The following ZNF248 variants were observed in gnomAD, a reference collection of about 807,000 sequenced individuals.
ZNF248 encodes KRAB protein domain.
Under a neutral mutation model 44.3 loss-of-function variants are expected in ZNF248, and 20 were observed. That is an observed-to-expected ratio of 0.45 (90% confidence interval 0.32 to 0.66). The LOEUF (loss-of-function observed/expected upper bound fraction) is 0.66, where lower values mean the gene tolerates loss of function less well. Ranked by LOEUF, ZNF248 falls within the 30% of genes least tolerant of loss-of-function variation. The probability of loss-of-function intolerance (pLI) is 0.04; values close to 1 mark genes in which losing one functional copy is unlikely to be tolerated. For missense variants in ZNF248, 654 were observed against 677.0 expected (o/e 0.97, Z 0.38); for synonymous variants, 224 against 229.0 (o/e 0.98, Z 0.20).
At chr10:37,798,688 T>C (rs1229875677) in intron 6 of ZNF248, among the ~76,000 whole-genome samples, 1 of 152,076 alleles carries the variant, frequency 6.6e-6, no homozygotes, top group African/African-American at 2.4e-5. Context: ...TACACATATA[T>C]ACATGCAGGT....
At chr10:37,761,273 C>A in the ZNF248 span, among the ~76,000 whole-genome samples, 94 of 152,264 alleles carry the variant, frequency 6.2e-4, no homozygotes, top group African/African-American at 2.2e-3. Flanking sequence ...TATCTGCCAT[C>A]CCTTAGGTCA....
At chr10:37,843,500 T>C (rs1414431302) in intron 3 of ZNF248, among the ~76,000 whole-genome samples, 1 of 151,176 alleles carries the variant, frequency 6.6e-6, no homozygotes, top group African/African-American at 2.4e-5. Context: ...CGACTTACCA[T>C]ATTAAAATAT....
intron 6 of ZNF248, among the ~76,000 whole-genome samples, chr10:37,806,968 C>G (rs973423234): frequency 7.0e-6 from 1 of 143,802 alleles, no homozygotes; most frequent in Admixed American, 7.4e-5. Context: ...CATGTCAATA[C>G]CCAGTTTTCC....
intron 3 of ZNF248, among the ~76,000 whole-genome samples, chr10:37,847,731 C>T (rs902271582): frequency 1.3e-5 from 2 of 149,812 alleles, no homozygotes; most frequent in African/African-American, 4.9e-5. Flanking sequence ...GATATGTTTA[C>T]AAAAAAAAAT....
chr10:37,812,080 T>C (rs1165947715), intron 6 of ZNF248, among the ~76,000 whole-genome samples: 1 of 151,594 alleles, frequency 6.6e-6, no homozygotes, highest in East Asian at 1.9e-4. Context: ...TACTAAAAAA[T>C]ACAAAAATTA....
chr10:37,787,157 T>C (rs996263098), intron 6 of ZNF248, among the ~76,000 whole-genome samples: 5 of 152,076 alleles, frequency 3.3e-5, no homozygotes, highest in Non-Finnish European at 7.4e-5. Context: ...TACACGCCTG[T>C]AGTCCCAGCT....
intron 3 of ZNF248, among the ~76,000 whole-genome samples, chr10:37,839,321 T>C (rs2057864957): frequency 6.6e-6 from 1 of 152,144 alleles, no homozygotes; most frequent in Admixed American, 6.5e-5. Flanking sequence ...ATCCTTTCAC[T>C]ACAATAAATC....
chr10:37,839,604 G>C (rs1403540402), intron 3 of ZNF248, among the ~76,000 whole-genome samples: 1 of 151,736 alleles, frequency 6.6e-6, no homozygotes, highest in Non-Finnish European at 1.5e-5. Context: ...TATTGGATGG[G>C]TTCAAAATCA....
At chr10:37,838,458 A>C (rs1052940894) in intron 3 of ZNF248, among the ~76,000 whole-genome samples, 1 of 152,226 alleles carries the variant, frequency 6.6e-6, no homozygotes, top group African/African-American at 2.4e-5. Flanking sequence ...AGGAAATATT[A>C]GTTGTTTCAT....
chr10:37,797,782 T>C (rs1359265076), intron 6 of ZNF248, among the ~76,000 whole-genome samples: 1 of 152,080 alleles, frequency 6.6e-6, no homozygotes, highest in Non-Finnish European at 1.5e-5. Flanking sequence ...CTAGAAAAGC[T>C]GTAATAAAAA....
At chr10:37,810,122 T>TA (rs2051258030) in intron 6 of ZNF248, among the ~76,000 whole-genome samples, 1 of 152,222 alleles carries the variant, frequency 6.6e-6, no homozygotes, top group Non-Finnish European at 1.5e-5. Context: ...CAAAGCCAGT[T>TA]AGGCCCTAAA....
intron 6 of ZNF248, chr10:37,820,237 T>C (rs991925009): frequency 3.9e-5 from 52 of 1,338,680 alleles, no homozygotes; most frequent in Non-Finnish European, 4.9e-5. Flanking sequence ...CTGTGCCAGA[T>C]GGAGATCTGT....
the ZNF248 span, among the ~76,000 whole-genome samples, chr10:37,770,150 C>T: frequency 1.3e-5 from 2 of 152,254 alleles, no homozygotes; most frequent in South Asian, 4.1e-4. Flanking sequence ...AGGAACATTC[C>T]ATGCTCATGG....
At chr10:37,766,457 C>T in the ZNF248 span, among the ~76,000 whole-genome samples, 31 of 152,246 alleles carry the variant, frequency 2.0e-4, no homozygotes, top group South Asian at 6.2e-4. Context: ...CACCAAGATC[C>T]GCTGTTCTAC....
At chr10:37,826,009 C>G (rs755496460), downstream of ZNF248, among the ~76,000 whole-genome samples, 8 of 151,888 alleles carry the variant, frequency 5.3e-5, no homozygotes, top group Admixed American at 1.3e-4. Context: ...ATATGGGAAG[C>G]TACCTAAAAG....
At position 37,828,801 on chromosome 10, in the gene ZNF248, GCTGCTTAC is replaced by G. The variant is rs1226996580; in HGVS notation, c.*2806_*2813del. 2.0e-6 allele frequency: 2 copies of G among 985,428 alleles called. No individual in the cohort carries two copies. The highest frequency in any genetic ancestry group is 2.3e-4 in the East Asian group (2 of 8,822). The allele number at this position is 985,428 out of a possible 1,614,324, so 61.0% of individuals were successfully genotyped here. ...GGCTATTTATTTGGAAGAATACAGAGCTGCTTACCTTACACCACATACAATAAGAAACA... is the reference window on the plus strand; with the variant it reads ...GGCTATTTATTTGGAAGAATACAGAGCTTACACCACATACAATAAGAAACA... On this transcript the variant is annotated 3_prime_UTR_variant, in exon 6 of 6. Coordinates refer to ENST00000395867, the MANE Select transcript of ZNF248 (RefSeq NM_021045.3).
At chr10:37,825,915 G>GGA (rs1564546067), downstream of ZNF248, among the ~76,000 whole-genome samples, 3 of 151,760 alleles carry the variant, frequency 2.0e-5, no homozygotes, top group Non-Finnish European at 4.4e-5. Context: ...AAAAAGGGGG[G>GGA]GAGAGAGAGA....
At chr10:37,846,412 T>C (rs11011381) in intron 3 of ZNF248, among the ~76,000 whole-genome samples, 69 of 152,272 alleles carry the variant, frequency 4.5e-4, no homozygotes, top group Non-Finnish European at 7.5e-4. Flanking sequence ...AATGGGAGTA[T>C]TGCCTGGGCC....
rs573023315 is a variant in ZNF248, at chr10:37,790,837, T to C, written c.331-14262A>G. 3.8e-4 allele frequency among the ~76,000 whole-genome samples: 58 copies of C among 150,932 alleles called. 1 individual carries two copies. The highest frequency in any genetic ancestry group is 1.2e-3 in the African/African-American group (50 of 41,348). ...TGGGAGGCTGAGATAGGAACATTGC[T>C]TGAGGCCAGAAGGTCAAGGCTGCAG... is the stretch of plus-strand genomic sequence containing the variant. On this transcript the variant is annotated intron_variant, in intron 6 of 6. Coordinates refer to the ZNF248 transcript ENST00000615949.
Sources: allele counts gnomAD v4.1 joint callset (sites outside exome capture counted in the v4.1 genomes callset), GRCh38; gene constraint gnomAD v4.1.1; transcripts MANE v1.5; gene names NCBI Gene and HGNC (gene_info 2026-07-23, HGNC 2026-07-21).